The following RBMS3 variants were observed in gnomAD, a reference collection of about 807,000 sequenced individuals.
RBMS3 encodes the protein RNA binding motif single stranded interacting protein 3.
RBMS3 carries 27 observed loss-of-function variants against 66.8 expected under a neutral mutation model. The ratio of observed to expected loss-of-function variants is 0.40; its 90% CI spans 0.30 to 0.56. The LOEUF (loss-of-function observed/expected upper bound fraction) is 0.56. RBMS3 is among the 20% of genes least tolerant of loss of function. The probability of loss-of-function intolerance (pLI) is 0.40; values close to 1 mark genes in which losing one functional copy is unlikely to be tolerated. For synonymous variants in RBMS3, 188 were observed against 183.0 expected (o/e 1.03, Z -0.22); for missense variants, 513 against 549.5 (o/e 0.93, Z 0.66).
rs201912230 is a variant in RBMS3, at chr3:29,800,222, A to ATT, written c.637+37244_637+37245dup. Among the ~76,000 whole-genome samples, 95 of 147,802 alleles carry ATT rather than the reference A, an allele frequency of 6.4e-4. 1 individual carries two copies. Among genetic ancestry groups the ATT allele is most frequent in the East Asian group, 5.6e-3 (28 of 5,036 alleles). On this transcript the variant is annotated intron_variant, in intron 6 of 14. Transcript: ENST00000383767. ...CTAAATGGTTTTCAGAAAGGCCTTA[A>ATT]TTTTTTTTTTTTACCATTATAGCAT...
chr3:29,803,142 A>T (rs1196676130), intron 6 of RBMS3, among the ~76,000 whole-genome samples: 1 of 152,184 alleles, frequency 6.6e-6, no homozygotes, highest in Non-Finnish European at 1.5e-5. Context: ...AGAATAAATG[A>T]CATAGCCAAG....
intron 4 of RBMS3, among the ~76,000 whole-genome samples, chr3:29,636,777 T>C (rs1309011824): frequency 1.3e-5 from 2 of 151,922 alleles, no homozygotes; most frequent in Non-Finnish European, 2.9e-5. Flanking sequence ...CTTTCTGTCA[T>C]GGGAGGCGGT....
At chr3:29,976,674 G>C (rs748790447) in intron 12 of RBMS3, among the ~76,000 whole-genome samples, 1 of 152,084 alleles carries the variant, frequency 6.6e-6, no homozygotes, top group Non-Finnish European at 1.5e-5. Context: ...CATCCCTTGA[G>C]TGACATGATG....
chr3:29,894,663 G>A (rs1305195316), intron 8 of RBMS3, among the ~76,000 whole-genome samples: 1 of 151,370 alleles, frequency 6.6e-6, no homozygotes, highest in African/African-American at 2.4e-5. Flanking sequence ...GTAAATTTAG[G>A]GGGTCACAAA....
At chr3:29,477,575 G>A (rs955553850) in intron 2 of RBMS3, among the ~76,000 whole-genome samples, 3 of 151,848 alleles carry the variant, frequency 2.0e-5, no homozygotes, top group Non-Finnish European at 2.9e-5. Context: ...ATAAAATACA[G>A]CATTTTATCA....
At chr3:29,302,609 GTAAATAT>G (rs2033755523) in intron 1 of RBMS3, among the ~76,000 whole-genome samples, 1 of 152,018 alleles carries the variant, frequency 6.6e-6, no homozygotes, top group Admixed American at 6.6e-5. Flanking sequence ...CCAGGTATAT[GTAAATAT>G]CTAACTTAAT....
chr3:29,668,026 A>C (rs1232845252), intron 4 of RBMS3, among the ~76,000 whole-genome samples: 1 of 152,174 alleles, frequency 6.6e-6, no homozygotes, highest in Non-Finnish European at 1.5e-5. Flanking sequence ...TCACTGTTTC[A>C]ATTTCTTTCA....
intron 6 of RBMS3, among the ~76,000 whole-genome samples, chr3:29,804,923 G>GTT: frequency 2.8e-5 from 1 of 35,332 alleles, no homozygotes; most frequent in Admixed American, 2.7e-4. Flanking sequence ...GCGTGTACGT[G>GTT]TGTGTGTGTG....
At chr3:29,792,358 T>C (rs2057042656) in intron 6 of RBMS3, among the ~76,000 whole-genome samples, 1 of 152,210 alleles carries the variant, frequency 6.6e-6, no homozygotes, top group Admixed American at 6.5e-5. Context: ...ATATGTCTTA[T>C]TGTTCTCCAT....
intron 12 of RBMS3, among the ~76,000 whole-genome samples, chr3:29,985,768 A>G (rs1467977718): frequency 6.6e-6 from 1 of 152,114 alleles, no homozygotes; most frequent in Non-Finnish European, 1.5e-5. Flanking sequence ...TTGCTGGGAG[A>G]TGCAGACCAG....
chr3:29,579,552 T>A (rs1223112162), intron 3 of RBMS3, among the ~76,000 whole-genome samples: 2 of 152,194 alleles, frequency 1.3e-5, no homozygotes, highest in African/African-American at 4.8e-5. Context: ...AATTAAAGTG[T>A]TCAGTCATAG....
At chr3:29,989,095 G>A (rs1698642298) in intron 13 of RBMS3, among the ~76,000 whole-genome samples, 1 of 152,302 alleles carries the variant, frequency 6.6e-6, no homozygotes, top group East Asian at 1.9e-4. Context: ...TCTAGGCCAT[G>A]AACCTGCACA....
chr3:29,524,505 A>G (rs780551273), intron 3 of RBMS3, among the ~76,000 whole-genome samples: 4 of 132,670 alleles, frequency 3.0e-5, no homozygotes, highest in Non-Finnish European at 6.1e-5. Flanking sequence ...TCGGTTTACC[A>G]CAATCTCCGC....
At chr3:29,915,148 G>A (rs530693810) in intron 10 of RBMS3, among the ~76,000 whole-genome samples, 1 of 129,916 alleles carries the variant, frequency 7.7e-6, no homozygotes, top group African/African-American at 3.2e-5. Context: ...TTAGAATAGA[G>A]TGTTCCTAAA....
At chr3:29,376,839 A>G (rs2038496492) in intron 1 of RBMS3, among the ~76,000 whole-genome samples, 1 of 151,980 alleles carries the variant, frequency 6.6e-6, no homozygotes, top group Non-Finnish European at 1.5e-5. Context: ...CGGGAGGCGG[A>G]GGTTGCAGTG....
chr3:29,487,471 G>A (rs548711954), intron 2 of RBMS3, among the ~76,000 whole-genome samples: 18 of 152,182 alleles, frequency 1.2e-4, no homozygotes, highest in Non-Finnish European at 2.5e-4. Context: ...TTTTCTCAGT[G>A]GAATTTTTTG....
At chr3:29,978,317 G>A (rs898269248) in intron 12 of RBMS3, among the ~76,000 whole-genome samples, 16 of 152,110 alleles carry the variant, frequency 1.1e-4, no homozygotes, top group Non-Finnish European at 2.2e-4. Context: ...CAGAAGAACT[G>A]TAATACAAAA....
chr3:29,921,809 C>A (rs545098556), intron 10 of RBMS3, among the ~76,000 whole-genome samples: 1 of 152,184 alleles, frequency 6.6e-6, no homozygotes, highest in Non-Finnish European at 1.5e-5. Context: ...TACAAGCCTT[C>A]ATCATATTTT....
chr3:29,939,742 C>T (rs1477616072), intron 11 of RBMS3, among the ~76,000 whole-genome samples: 2 of 151,760 alleles, frequency 1.3e-5, no homozygotes, highest in Non-Finnish European at 2.9e-5. Context: ...ACATGATTTT[C>T]GTAAGCAATC....
Sources: gnomAD v4.1 joint callset for allele counts (sites outside exome capture counted in the v4.1 genomes callset) on GRCh38, gnomAD v4.1.1 for gene constraint, MANE v1.5 for transcripts, NCBI Gene and HGNC (gene_info 2026-07-23, HGNC 2026-07-21) for gene names.